HS3ST3A1: variants seen among roughly 807,000 people sequenced by gnomAD.
The protein encoded by HS3ST3A1 is heparan sulfate glucosamine 3-O-sulfotransferase 3A1.
Under a neutral mutation model 25.7 loss-of-function variants are expected in HS3ST3A1, and 19 were observed. The ratio of observed to expected loss-of-function variants is 0.74; its 90% CI spans 0.52 to 1.08. The LOEUF (loss-of-function observed/expected upper bound fraction) is 1.08, where lower values mean the gene tolerates loss of function less well. Ranked by LOEUF, HS3ST3A1 falls within the 50% of genes least tolerant of loss-of-function variation. HS3ST3A1 has a pLI of 0.00. For synonymous variants in HS3ST3A1, 226 were observed against 278.6 expected, an observed-to-expected ratio of 0.81 and a Z score of 1.88; for missense variants, 459 against 594.3, an observed-to-expected ratio of 0.77 and a Z score of 2.37.
chr17:13,541,946 T>TTATA (rs1906944109), intron 1 of HS3ST3A1, among the ~76,000 whole-genome samples: 1 of 152,178 alleles, frequency 6.6e-6, no homozygotes, highest in Non-Finnish European at 1.5e-5. Flanking sequence ...ATGGACGGAA[T>TTATA]TATATCCCCT....
intron 1 of HS3ST3A1, among the ~76,000 whole-genome samples, chr17:13,543,257 G>T (rs562697911): frequency 4.6e-5 from 7 of 152,208 alleles, no homozygotes; most frequent in Admixed American, 1.3e-4. Context: ...TAAAGTGGGG[G>T]GCAGTCTTGT....
At chr17:13,598,753 T>C (rs1908647026) in intron 1 of HS3ST3A1, among the ~76,000 whole-genome samples, 1 of 151,980 alleles carries the variant, frequency 6.6e-6, no homozygotes, top group Non-Finnish European at 1.5e-5. Context: ...CTCAGAAAGG[T>C]CCATGGAAAA....
intron 1 of HS3ST3A1, among the ~76,000 whole-genome samples, chr17:13,548,627 G>C (rs1386739929): frequency 1.3e-5 from 2 of 152,090 alleles, no homozygotes; most frequent in African/African-American, 2.4e-5. Flanking sequence ...AAGCTGACTG[G>C]GCTTCTGGGT....
intron 1 of HS3ST3A1, among the ~76,000 whole-genome samples, chr17:13,512,162 G>A (rs542155898): frequency 1.3e-4 from 20 of 151,978 alleles, no homozygotes; most frequent in Non-Finnish European, 2.4e-4. Context: ...AGCCGGGCGC[G>A]GTGGCGGGCG....
chr17:13,578,003 G>A (rs368900912), intron 1 of HS3ST3A1, among the ~76,000 whole-genome samples: 10 of 152,150 alleles, frequency 6.6e-5, no homozygotes, highest in South Asian at 6.2e-4. Context: ...TGTAACAGGC[G>A]TCAAAAGATT....
chr17:13,537,099 A>G (rs1906793722), intron 1 of HS3ST3A1, among the ~76,000 whole-genome samples: 1 of 152,154 alleles, frequency 6.6e-6, no homozygotes, highest in Admixed American at 6.6e-5. Context: ...CCATCCATCC[A>G]TCTGCCTAGG....
intron 1 of HS3ST3A1, among the ~76,000 whole-genome samples, chr17:13,520,162 C>CT (rs1352272065): frequency 6.6e-6 from 1 of 152,182 alleles, no homozygotes; most frequent in Non-Finnish European, 1.5e-5. Flanking sequence ...AATAAAAAGG[C>CT]TGGTAAAGGT....
intron 1 of HS3ST3A1, among the ~76,000 whole-genome samples, chr17:13,557,358 T>A (rs1907411217): frequency 1.3e-5 from 2 of 151,766 alleles, no homozygotes; most frequent in Non-Finnish European, 2.9e-5. Context: ...TCAACAGACA[T>A]CAGAAAGAGA....
intron 1 of HS3ST3A1, among the ~76,000 whole-genome samples, chr17:13,511,932 T>C (rs1472333925): frequency 6.6e-6 from 1 of 152,210 alleles, no homozygotes; most frequent in Non-Finnish European, 1.5e-5. Flanking sequence ...AATTTTCATT[T>C]CTTAAATTTT....
At chr17:13,598,934 G>T (rs1188768956) in intron 1 of HS3ST3A1, among the ~76,000 whole-genome samples, 1 of 152,166 alleles carries the variant, frequency 6.6e-6, no homozygotes, top group African/African-American at 2.4e-5. Context: ...CATAGTGTTA[G>T]ATGTTTCAGA....
At chr17:13,571,192 A>T (rs1408107243) in intron 1 of HS3ST3A1, among the ~76,000 whole-genome samples, 1 of 152,178 alleles carries the variant, frequency 6.6e-6, no homozygotes, top group East Asian at 1.9e-4. Context: ...AGAAACAATA[A>T]AGCCAGTTTC....
chr17:13,520,589 T>C (rs1906198690), intron 1 of HS3ST3A1, among the ~76,000 whole-genome samples: 1 of 152,048 alleles, frequency 6.6e-6, no homozygotes, highest in African/African-American at 2.4e-5. Context: ...CTGAAGAATA[T>C]GCAAATATTT....
At chr17:13,498,461 C>T (rs891619415) in intron 1 of HS3ST3A1, among the ~76,000 whole-genome samples, 18 of 152,224 alleles carry the variant, frequency 1.2e-4, no homozygotes, top group Admixed American at 2.0e-4. Flanking sequence ...AACTCCTTTT[C>T]CCCAAAGCCA....
intron 1 of HS3ST3A1, among the ~76,000 whole-genome samples, chr17:13,573,351 T>C (rs1015418975): frequency 2.0e-4 from 31 of 152,104 alleles, no homozygotes; most frequent in Non-Finnish European, 4.0e-4. Flanking sequence ...CAAGCCTCCA[T>C]TTGTAGTGTT....
chr17:13,535,465 G>A (rs192130452), intron 1 of HS3ST3A1, among the ~76,000 whole-genome samples: 1 of 152,324 alleles, frequency 6.6e-6, no homozygotes, highest in East Asian at 1.9e-4. Flanking sequence ...AGAAGGGAGA[G>A]TGTTGTTTCA....
rs765869598 is a variant in HS3ST3A1 at position 13,496,172 on chromosome 17, T to A, written c.*25A>T. Reference sequence around the variant, plus strand: ...TAAAAAAATATATTATATTTTGATTTTTTTTTTCTTTTTAAATTATATGGT... The same window carrying A: ...TAAAAAAATATATTATATTTTGATTATTTTTTTCTTTTTAAATTATATGGT... On this transcript the variant is annotated 3_prime_UTR_variant, in exon 2 of 2. Transcript: ENST00000284110. 25 of 1,538,328 alleles carry A rather than the reference T, an allele frequency of 1.6e-5. No homozygotes were observed. Among genetic ancestry groups the A allele is most frequent in the Non-Finnish European group, 1.8e-5 (21 of 1,146,936 alleles).
intron 1 of HS3ST3A1, among the ~76,000 whole-genome samples, chr17:13,585,339 G>C (rs1239390059): frequency 6.6e-6 from 1 of 150,828 alleles, no homozygotes; most frequent in East Asian, 2.0e-4. Context: ...AGCTGGGACT[G>C]CAGGCATGCA....
intron 1 of HS3ST3A1, among the ~76,000 whole-genome samples, chr17:13,578,568 A>G (rs1438494307): frequency 6.6e-6 from 1 of 151,388 alleles, no homozygotes; most frequent in Non-Finnish European, 1.5e-5. Flanking sequence ...ATCTCAAAAA[A>G]AAAAAAAAAA....
chr17:13,593,981 G>T (rs897604094), intron 1 of HS3ST3A1, among the ~76,000 whole-genome samples: 1 of 152,096 alleles, frequency 6.6e-6, no homozygotes, highest in Non-Finnish European at 1.5e-5. Flanking sequence ...ACTCACTTTT[G>T]TCTCCCCACA....
Sources: allele counts gnomAD v4.1 joint callset (sites outside exome capture counted in the v4.1 genomes callset), GRCh38; gene constraint gnomAD v4.1.1; transcripts MANE v1.5; gene names NCBI Gene and HGNC (gene_info 2026-07-23, HGNC 2026-07-21).